FLNC: variants seen among roughly 807,000 people sequenced by gnomAD.
FLNC encodes filamin-C.
In FLNC, 91 loss-of-function variants were observed where a neutral mutation model predicts 254.3. The ratio of observed to expected loss-of-function variants is 0.36; its 90% CI spans 0.30 to 0.43. The LOEUF (loss-of-function observed/expected upper bound fraction) is 0.43, where lower values mean the gene tolerates loss of function less well. FLNC is among the 20% of genes least tolerant of loss of function. The probability of loss-of-function intolerance (pLI) is 1.00; values close to 1 mark genes in which losing one functional copy is unlikely to be tolerated. For synonymous variants in FLNC, 1,430 were observed against 1,577.2 expected (o/e 0.91, Z 2.21); for missense variants, 2,853 against 3,802.6 (o/e 0.75, Z 6.57).
At chr7:128,848,422 G>A in intron 26 of FLNC, 139 bp from the exon 27 acceptor site, 1 of 941,248 alleles carries the variant, frequency 1.1e-6, no homozygotes, top group Admixed American at 1.7e-5. Context: ...TCGGCTTCTG[G>A]GAACTGGTCC....
chr7:128,854,409 G>T lies in FLNC; in HGVS notation c.6728-4G>T, dbSNP rs775114655. 9 of 1,609,162 alleles carry T rather than the reference G, an allele frequency of 5.6e-6. No homozygotes were observed. In the South Asian group the frequency reaches 8.9e-5, roughly 16 times the overall value. ...GTTGCCCTGACATCCCCCAAACCCT[G>T]CAGGTGAGGCCAGCTCTCAGGACAT... On this transcript the variant is annotated splice_polypyrimidine_tract_variant and splice_region_variant and intron_variant, in intron 40 of 47. Transcript: ENST00000325888.
rs770396048 is a variant in FLNC, at chr7:128,850,498, C to T, written c.5398+15C>T. On this transcript the variant is annotated intron_variant, in intron 32 of 47. Transcript: ENST00000325888. ...GGAGCTCACAGGTACTGCCCTGTGG[C>T]TCCCAGGCATGAGGGCTGAGGGGAG... 1 of 1,600,456 alleles carries T rather than the reference C, an allele frequency of 6.2e-7. No individual in the cohort carries two copies. The highest frequency in any genetic ancestry group is 1.7e-5 in the Admixed American group (1 of 60,026).
chr7:128,854,943 C>T (rs1406998775), intron 42 of FLNC, 31 bp downstream of exon 42: 9 of 1,611,422 alleles, frequency 5.6e-6, no homozygotes, highest in African/African-American at 1.3e-5. Flanking sequence ...TGGGGCTGGG[C>T]CTGCCTGACC....
chr7:128,844,796 G>C lies in FLNC; in HGVS notation c.3331G>C (p.Asp1111His). The change falls in exon 21 of 48, where the codon GAC becomes CAC. Residue 1111 changes from aspartate (D) to histidine (H), a missense_variant. Physicochemically the swap from Asp to His is moderately conservative, Grantham distance 81 (BLOSUM62 -1). Coordinates refer to ENST00000325888, the MANE Select transcript of FLNC (RefSeq NM_001458.5). ...GPCEAKIECQ[D>H]NGDGSCAVSY... is the part of the protein sequence containing the mutation. ...CTGCGAGGCCAAGATCGAGTGCCAGGACAATGGTGATGGCTCATGTGCTGT... is the reference window on the plus strand; with the variant it reads ...CTGCGAGGCCAAGATCGAGTGCCAGCACAATGGTGATGGCTCATGTGCTGT... 6.2e-7 allele frequency: 1 copy of C among 1,614,146 alleles called. No individual in the cohort carries two copies. Among genetic ancestry groups the C allele is most frequent in the Non-Finnish European group, 8.5e-7 (1 of 1,180,044 alleles).
chr7:128,845,969 C>T (rs762363633), intron 21 of FLNC, 21 bp from the exon 22 acceptor site: 4 of 1,612,702 alleles, frequency 2.5e-6, no homozygotes, highest in Non-Finnish European at 3.4e-6. Flanking sequence ...CCCTGCTGAA[C>T]ACGCCACCCC....
At chr7:128,834,618 A>G (rs930536774) in intron 1 of FLNC, among the ~76,000 whole-genome samples, 3 of 152,182 alleles carry the variant, frequency 2.0e-5, no homozygotes, top group African/African-American at 7.2e-5. Flanking sequence ...TTGAGACCTT[A>G]CTATGTTTAA....
Position 128,842,928 on chromosome 7 carries a change from A to G in FLNC, c.2524A>G (p.Thr842Ala). The G allele has an allele frequency of 3.1e-6, 5 of 1,613,974 alleles. No individual in the cohort carries two copies. Among genetic ancestry groups the G allele is most frequent in the Non-Finnish European group, 4.2e-6 (5 of 1,180,022 alleles). ...KYTPPGAGRY[T>A]IMVLFANQEI... is the part of the protein sequence containing the mutation. ...CACGCCACCAGGGGCGGGCCGCTAC[A>G]CCATCATGGTGCTGTTTGCCAACCA... The change falls in exon 16 of 48, where the codon ACC (threonine) becomes GCC (alanine). Residue 842 changes from threonine (T) to alanine (A), a missense_variant. This residue lies in a region of FLNC where 1,573 missense variants were observed against 1,883.5 expected (regional missense o/e 0.84). Transcript: ENST00000325888. The surrounding 1 kb of genome is among the most constrained non-coding windows in gnomAD (Gnocchi z 5.4).
rs1418151976 is a variant in FLNC at position 128,853,973 on chromosome 7, G to T, written c.6485-1G>T. 1 of 1,613,350 alleles carries T rather than the reference G, an allele frequency of 6.2e-7. No individual in the cohort carries two copies. The highest frequency in any genetic ancestry group is 1.7e-5 in the Admixed American group (1 of 60,022). The stretch of plus-strand genomic sequence containing the variant: ...TCACCCTGGCTCCCTTGACCACACA[G>T]GAAACTGGTTCCAGATGGTGTCTGC... On this transcript the variant is annotated splice_acceptor_variant, in intron 39 of 47. Transcript: ENST00000325888. LOFTEE classifies it high-confidence loss of function.
At position 128,846,151 on chromosome 7, in the gene FLNC, G is replaced by T. The variant is rs777939926; in HGVS notation, c.3952G>T (p.Ala1318Ser). 3 of 1,613,948 alleles carry T rather than the reference G, an allele frequency of 1.9e-6. No individual in the cohort carries two copies. The highest frequency in any genetic ancestry group is 2.5e-6 in the Non-Finnish European group (3 of 1,179,990). The change falls in exon 22 of 48, where the codon GCC (alanine) becomes TCC (serine). Residue 1318 changes from alanine (A) to serine (S), a missense_variant. Physicochemically the swap from Ala to Ser is moderately conservative, Grantham distance 99. Transcript: ENST00000325888. ...GDGTYRVQYTAYEEGVHLVEV... is the reference protein window; with the variant it reads ...GDGTYRVQYTSYEEGVHLVEV... ...CGGCACCTACCGAGTGCAGTACACC[G>T]CCTACGAGGAGGGTGAGGGCCGGTG...
Position 128,842,233 on chromosome 7 carries a change from C to T in FLNC, c.2124C>T (p.Asp708=), listed in dbSNP as rs187481700. Residue 708 remains aspartate, a splice_region_variant and synonymous_variant, in exon 14 of 48, where the codon GAC becomes GAT. Transcript: ENST00000325888. The surrounding 1 kb of genome is among the most constrained non-coding windows in gnomAD (Gnocchi z 5.4). ...CTTTGCTTGGGTGATGCCCACAGGACGCCGACGGCTGTCCCATCGACATCA... is the reference window on the plus strand; with the variant it reads ...CTTTGCTTGGGTGATGCCCACAGGATGCCGACGGCTGTCCCATCGACATCA... ...GKGDLKLYAQ[D]ADGCPIDIKV... 9.5e-5 allele frequency: 153 copies of T among 1,613,582 alleles called. No homozygotes were observed. The highest frequency in any genetic ancestry group is 5.2e-4 in the Admixed American group (31 of 60,014).
In FLNC at chr7:128,835,360, G is replaced by A. The variant is rs1159200587; in HGVS notation, c.387G>A (p.Leu129=). ...SKAIVDGNLK[L]ILGLIWTLIL... is the part of the protein sequence containing the mutation. ...CCATCGTGGATGGGAACCTGAAGCT[G>A]ATCCTGGGCCTGATCTGGACGCTGA... Residue 129 remains leucine (L), a synonymous_variant, in exon 2 of 48, where the codon CTG becomes CTA. Transcript: ENST00000325888. This position sits in a 1 kb window ranked among gnomAD's most constrained non-coding sequence, Gnocchi z 5.3. The A allele has an allele frequency of 1.2e-6, 2 of 1,614,016 alleles. No homozygotes were observed. Among genetic ancestry groups the A allele is most frequent in the Non-Finnish European group, 1.7e-6 (2 of 1,180,018 alleles).
At chr7:128,847,332 G>A (rs556467356) in intron 24 of FLNC, among the ~76,000 whole-genome samples, 3 of 152,362 alleles carry the variant, frequency 2.0e-5, no homozygotes, top group Non-Finnish European at 2.9e-5. Flanking sequence ...TGTATGACTT[G>A]GGACTGCTGA....
rs771403245 is a variant in FLNC, at chr7:128,841,189, C to T, written c.1833C>T (p.Pro611=). ...VGTLGFSIEG[P]SQAKIECDDK... ...CCCCAGGCTTCTCCATCGAGGGGCCCTCACAAGCCAAGATCGAATGTGACG... is the reference window on the plus strand; with the variant it reads ...CCCCAGGCTTCTCCATCGAGGGGCCTTCACAAGCCAAGATCGAATGTGACG... The change falls in exon 12 of 48, where the codon CCC becomes CCT. Residue 611 remains proline (P), a synonymous_variant. Transcript: ENST00000325888. The surrounding 1 kb of genome is among the most constrained non-coding windows in gnomAD (Gnocchi z 4.3). The T allele has an allele frequency of 2.4e-5, 39 of 1,613,836 alleles. No individual in the cohort carries two copies. The highest frequency in any genetic ancestry group is 6.7e-5 in the Admixed American group (4 of 59,990).
rs764628080 is a variant in FLNC at position 128,856,585 on chromosome 7, T to C, written c.7319T>C (p.Ile2440Thr). The stretch of plus-strand genomic sequence containing the variant: ...CAGCTGAACGGTGCCCGGGGCGTGA[T>C]TGATGCCCGGGTGCACACACCCTCG... The part of the protein sequence containing the change: ...AVQLNGARGV[I>T]DARVHTPSGA... Residue 2440 changes from isoleucine to threonine, a missense_variant, in exon 44 of 48, where the codon ATT becomes ACT. Physicochemically the swap from Ile to Thr is moderately conservative, Grantham distance 89. Coordinates refer to ENST00000325888, the MANE Select transcript of FLNC (RefSeq NM_001458.5). The surrounding 1 kb of genome is among the most constrained non-coding windows in gnomAD (Gnocchi z 5.9). The C allele has an allele frequency of 6.8e-6, 11 of 1,612,844 alleles. No individual in the cohort carries two copies. Among genetic ancestry groups the C allele is most frequent in the Middle Eastern group, 1.6e-4 (1 of 6,062 alleles).
chr7:128,849,493 A>G lies in FLNC; in HGVS notation c.5114A>G (p.Tyr1705Cys). ...AACCATGACGGTACCTTTGACATCT[A>G]CTACACAGCGCCCGAGCCGGGCAAG... ...VENHDGTFDI[Y>C]YTAPEPGKYV... Residue 1705 changes from tyrosine to cysteine, a missense_variant, in exon 30 of 48, where the codon TAC (tyrosine) becomes TGC (cysteine). This residue lies in a region of FLNC where 258 missense variants were observed against 312.3 expected (regional missense o/e 0.83). Transcript: ENST00000325888. 1 of 1,614,176 alleles carries G rather than the reference A, an allele frequency of 6.2e-7. No individual in the cohort carries two copies. Among genetic ancestry groups the G allele is most frequent in the Non-Finnish European group, 8.5e-7 (1 of 1,180,028 alleles).
In FLNC at chr7:128,850,467, G is replaced by C; in HGVS notation, c.5382G>C (p.Gln1794His). The change falls in exon 32 of 48, where the codon CAG becomes CAC. Residue 1794 changes from glutamine (Q) to histidine (H), a missense_variant. Physicochemically the swap from Gln to His is conservative, Grantham distance 24. This residue lies in a region of FLNC where 258 missense variants were observed against 312.3 expected (regional missense o/e 0.83). Transcript: ENST00000325888. The part of the protein sequence containing the change: ...PFNLVIPFAV[Q>H]KGELTGEVRM... ...ACCTGGTCATCCCCTTCGCGGTGCA[G>C]AAAGGGGAGCTCACAGGTACTGCCC... 1 of 1,613,348 alleles carries C rather than the reference G, an allele frequency of 6.2e-7. No homozygotes were observed. The highest frequency in any genetic ancestry group is 8.5e-7 in the Non-Finnish European group (1 of 1,179,718).
At chr7:128,834,025 G>A (rs777215979) in intron 1 of FLNC, among the ~76,000 whole-genome samples, 2 of 152,138 alleles carry the variant, frequency 1.3e-5, no homozygotes, top group African/African-American at 4.8e-5. Flanking sequence ...GATTTCCCAG[G>A]CTCTCGGTCT....
At position 128,842,755 on chromosome 7, in the gene FLNC, G is replaced by A; in HGVS notation, c.2390-39G>A. On this transcript the variant is annotated intron_variant, in intron 15 of 47. Transcript: ENST00000325888. The surrounding 1 kb of genome is among the most constrained non-coding windows in gnomAD (Gnocchi z 5.4). The stretch of plus-strand genomic sequence containing the variant: ...GGGGGCGGGGGTGAGTCGAGTCGGG[G>A]GCTGAGCCCAACTCACAGCAGTGCC... 6.2e-7 allele frequency: 1 copy of A among 1,608,564 alleles called. No individual in the cohort carries two copies. Among genetic ancestry groups the A allele is most frequent in the Non-Finnish European group, 8.5e-7 (1 of 1,177,988 alleles).
At position 128,843,339 on chromosome 7, in the gene FLNC, C is replaced by T; in HGVS notation, c.2641+20C>T. 1 of 1,612,650 alleles carries T rather than the reference C, an allele frequency of 6.2e-7. No individual in the cohort carries two copies. The highest frequency in any genetic ancestry group is 8.5e-7 in the Non-Finnish European group (1 of 1,179,462). On this transcript the variant is annotated intron_variant, in intron 17 of 47. Coordinates refer to ENST00000325888, the MANE Select transcript of FLNC (RefSeq NM_001458.5). The stretch of plus-strand genomic sequence containing the variant: ...GCACAGGTGAGTGTCTGGGCAGGGG[C>T]TGGGACTGGCTCGAGGTTGGGGTTA...
Sources: allele counts gnomAD v4.1 joint callset (sites outside exome capture counted in the v4.1 genomes callset), GRCh38; gene constraint gnomAD v4.1.1; regional missense constraint gnomAD v4.1.1; non-coding constraint Gnocchi (gnomAD v3.1); transcripts MANE v1.5; gene names NCBI Gene and HGNC (gene_info 2026-07-23, HGNC 2026-07-21).